GOLGB1: variants seen among roughly 807,000 people sequenced by gnomAD.
GOLGB1 encodes the protein golgin subfamily B member 1.
GOLGB1 carries 174 observed loss-of-function variants against 336.9 expected under a neutral mutation model. The observed-to-expected ratio is 0.52, with a 90% confidence interval of 0.46 to 0.59. The LOEUF (loss-of-function observed/expected upper bound fraction) is 0.59, where lower values mean the gene tolerates loss of function less well. GOLGB1 is among the 20% of genes least tolerant of loss of function. The pLI is 0.00. For missense variants in GOLGB1, 3,331 were observed against 3,645.3 expected, an observed-to-expected ratio of 0.91 and a Z score of 2.22; for synonymous variants, 1,208 against 1,289.2, an observed-to-expected ratio of 0.94 and a Z score of 1.35.
intron 1 of GOLGB1, among the ~76,000 whole-genome samples, chr3:121,739,243 T>C (rs1011293100): frequency 1.3e-5 from 2 of 151,370 alleles, no homozygotes; most frequent in African/African-American, 2.4e-5. Flanking sequence ...CCAGCCTGGG[T>C]GATAGAGTAA....
chr3:121,699,336 C>T (rs953096792), intron 12 of GOLGB1, among the ~76,000 whole-genome samples: 1 of 152,118 alleles, frequency 6.6e-6, no homozygotes, highest in African/African-American at 2.4e-5. Flanking sequence ...TAGAAAAACA[C>T]AGCTAACTAA....
chr3:121,694,386 G>C lies in GOLGB1; in HGVS notation c.6137C>G (p.Thr2046Ser), dbSNP rs771935330. The C allele has an allele frequency of 1.2e-6, 2 of 1,613,064 alleles. No homozygotes were observed. Among genetic ancestry groups the C allele is most frequent in the East Asian group, 4.5e-5 (2 of 44,874 alleles). The stretch of plus-strand genomic sequence containing the variant: ...TTGAACAAATTCTAGAGCTTTAACA[G>C]TTCTCTCCAGAGCACTAATTTTCTC... The part of the protein sequence containing the change: ...YQEKISALER[T>S]VKALEFVQTE... Residue 2046 changes from threonine to serine, a missense_variant, in exon 13 of 22, where the codon ACT (threonine) becomes AGT (serine). Physicochemically the swap from Thr to Ser is moderately conservative, Grantham distance 58 (BLOSUM62 1). Coordinates refer to ENST00000614479, the MANE Select transcript of GOLGB1 (RefSeq NM_001366282.2).
rs2107789623 is a variant in GOLGB1, at chr3:121,692,074, A to G, written c.7290T>C (p.Ile2430=). ...CCTTTTTGTTCTCCTCTTCTAAAAC[A>G]ATATTCTCCTCTTCCTCCTGGGACA... ...NLLSQEEEEN[I]VLEEENKKAV... is the part of the protein sequence containing the mutation. The change falls in exon 14 of 22, where the codon ATT becomes ATC. Residue 2430 remains isoleucine (I), a synonymous_variant. Transcript: ENST00000614479. 5 of 1,613,400 alleles carry G rather than the reference A, an allele frequency of 3.1e-6. No individual in the cohort carries two copies. The East Asian group carries it at 6.7e-5, about 22-fold the overall frequency.
Position 121,698,419 on chromosome 3 carries a change from C to G in GOLGB1, c.2104G>C (p.Glu702Gln). The G allele has an allele frequency of 6.2e-7, 1 of 1,613,850 alleles. No homozygotes were observed. ...TCTTGTGCTTTATGAAAGTTTAGCT[C>G]GAGCTCCAAAATTTGACTTTTTAAC... is the stretch of plus-strand genomic sequence containing the variant. ...ERLKSQILEL[E>Q]LNFHKAQEIY... Residue 702 changes from glutamate to glutamine, a missense_variant, in exon 13 of 22, where the codon GAG becomes CAG. Glu to Gln is a conservative substitution (Grantham distance 29, BLOSUM62 2). Transcript: ENST00000614479.
In GOLGB1 at chr3:121,691,492, T is replaced by G; in HGVS notation, c.7872A>C (p.Thr2624=). Residue 2624 remains threonine (T), a synonymous_variant, in exon 14 of 22, where the codon ACA becomes ACC. Transcript: ENST00000614479. ...CTAAAGTACCTTCTTCTTGCAAGGC[T>G]GTTACTTGTCTTGTTAGCTGGGATA... ...VSISQLTRQV[T]ALQEEGTLGL... 6.2e-7 allele frequency: 1 copy of G among 1,612,546 alleles called. No individual in the cohort carries two copies. The highest frequency in any genetic ancestry group is 2.2e-5 in the East Asian group (1 of 44,872).
intron 18 of GOLGB1, 143 bp downstream of exon 18, chr3:121,669,069 A>G: frequency 1.3e-6 from 1 of 747,422 alleles, no homozygotes; most frequent in Admixed American, 2.6e-5. Context: ...CCTTATTCCC[A>G]TCTCAATTAA....
chr3:121,674,600 G>A (rs1305910216), intron 17 of GOLGB1, among the ~76,000 whole-genome samples: 3 of 152,078 alleles, frequency 2.0e-5, no homozygotes, highest in Admixed American at 2.0e-4. Flanking sequence ...AAGAATTAGG[G>A]AAGTGGCTTA....
At chr3:121,724,256 G>T (rs1431726724) in intron 5 of GOLGB1, among the ~76,000 whole-genome samples, 1 of 152,196 alleles carries the variant, frequency 6.6e-6, no homozygotes, top group Admixed American at 6.5e-5. Context: ...CTTGGAGATT[G>T]GTTAAGCGGT....
chr3:121,745,826 C>T (rs76319988), intron 1 of GOLGB1, among the ~76,000 whole-genome samples: 15,761 of 152,210 alleles, frequency 0.1, 900 homozygotes, highest in South Asian at 0.16. Flanking sequence ...GCCACAGGAC[C>T]TTAACACTTA....
intron 17 of GOLGB1, among the ~76,000 whole-genome samples, chr3:121,672,037 A>T (rs900184288): frequency 3.9e-5 from 6 of 152,156 alleles, no homozygotes; most frequent in Admixed American, 2.6e-4. Flanking sequence ...TAATCTATTC[A>T]TCTGTTGACG....
At chr3:121,710,223 A>AT (rs1944233932) in intron 10 of GOLGB1, among the ~76,000 whole-genome samples, 1 of 152,104 alleles carries the variant, frequency 6.6e-6, no homozygotes, top group South Asian at 2.1e-4. Flanking sequence ...TTTAAAAAAA[A>AT]GTATTTAAAA....
chr3:121,713,164 A>G (rs571944008), intron 10 of GOLGB1, among the ~76,000 whole-genome samples: 14 of 150,364 alleles, frequency 9.3e-5, no homozygotes, highest in African/African-American at 3.4e-4. Context: ...TCCGTCTTGG[A>G]AAAAAAAAAT....
intron 10 of GOLGB1, among the ~76,000 whole-genome samples, chr3:121,706,822 G>GA (rs962054065): frequency 4.8e-4 from 61 of 126,860 alleles, no homozygotes; most frequent in African/African-American, 1.5e-3. Context: ...AGAAATGAAA[G>GA]AAAAAAAAAC....
In GOLGB1 at chr3:121,697,458, G is replaced by A. The variant is rs369555871; in HGVS notation, c.3065C>T (p.Ala1022Val). 4 of 1,610,964 alleles carry A rather than the reference G, an allele frequency of 2.5e-6. No individual in the cohort carries two copies. The African/African-American group carries it at 4.0e-5, about 16-fold the overall frequency. ...QRVSRLEEELANLKDESKKEI... is the reference protein window; with the variant it reads ...QRVSRLEEELVNLKDESKKEI... ...TTTCTTAGATTCATCTTTCAAGTTG[G>A]CTAATTCTTCTTCCAATCTACTGAC... The change falls in exon 13 of 22, where the codon GCC becomes GTC. Residue 1022 changes from alanine to valine, a missense_variant. Ala to Val is a moderately conservative substitution (Grantham distance 64). Transcript: ENST00000614479.
chr3:121,681,934 G>T, intron 14 of GOLGB1, 69 bp from the exon 15 acceptor site: 1 of 1,047,428 alleles, frequency 9.5e-7, no homozygotes, highest in Non-Finnish European at 1.5e-6. Flanking sequence ...GTCATTGGTA[G>T]CTCCCTACTA....
chr3:121,731,063 A>G lies in GOLGB1; in HGVS notation c.-2-90T>C, dbSNP rs913744696. The G allele has an allele frequency of 3.1e-6, 4 of 1,279,988 alleles. No homozygotes were observed. In the African/African-American group the frequency reaches 4.4e-5, roughly 14 times the overall value. The allele number at this position is 1,279,988 out of a possible 1,614,324, so 79.3% of individuals were successfully genotyped here. A position where few individuals can be genotyped will look rare whatever the true frequency, so the allele number is the denominator to read the frequency against. ...TTGATAACCATATCATCCGTGAATG[A>G]AAAAAGAATACTGTACAGGTGATTT... On this transcript the variant is annotated intron_variant, in intron 1 of 21. Coordinates refer to ENST00000614479, the MANE Select transcript of GOLGB1 (RefSeq NM_001366282.2).
At chr3:121,673,262 T>C (rs1560172293) in intron 17 of GOLGB1, among the ~76,000 whole-genome samples, 1 of 152,134 alleles carries the variant, frequency 6.6e-6, no homozygotes, top group Admixed American at 6.5e-5. Context: ...AGAGACGGGG[T>C]TTCACCATGT....
At chr3:121,749,078 A>G (rs1947576250) in intron 1 of GOLGB1, 1 of 180,986 alleles carries the variant, frequency 5.5e-6, no homozygotes, top group Admixed American at 6.5e-5. Context: ...TCTTTCCAGT[A>G]ACCCATTAGC....
Position 121,696,907 on chromosome 3 carries a change from G to A in GOLGB1, c.3616C>T (p.Leu1206Phe), listed in dbSNP as rs1942997261. The part of the protein sequence containing the change: ...LKKAQEKERH[L>F]REELKQQKDD... ...TTCTGTTGCTTTAGCTCCTCCCTGA[G>A]ATGTCTTTCTTTCTCCTGTGCCTTT... The change falls in exon 13 of 22, where the codon CTC becomes TTC. Residue 1206 changes from leucine (L) to phenylalanine (F), a missense_variant. Physicochemically the swap from Leu to Phe is conservative, Grantham distance 22 (BLOSUM62 0). Transcript: ENST00000614479. 6.2e-7 allele frequency: 1 copy of A among 1,614,126 alleles called. No individual in the cohort carries two copies. The highest frequency in any genetic ancestry group is 8.5e-7 in the Non-Finnish European group (1 of 1,179,982).
Sources: gnomAD v4.1 joint callset for allele counts (sites outside exome capture counted in the v4.1 genomes callset) on GRCh38, gnomAD v4.1.1 for gene constraint, MANE v1.5 for transcripts, NCBI Gene and HGNC (gene_info 2026-07-23, HGNC 2026-07-21) for gene names.